Variants in JCHAIN observed in about 807,000 individuals in gnomAD.
The protein encoded by JCHAIN is immunoglobulin J chain.
In JCHAIN, 5 loss-of-function variants were observed where a neutral mutation model predicts 11.1. The ratio of observed to expected loss-of-function variants is 0.45; its 90% CI spans 0.24 to 0.95. The LOEUF (loss-of-function observed/expected upper bound fraction) is 0.95. Among genes scored for constraint, JCHAIN ranks in the 40% least tolerant of loss-of-function variants. The pLI, the probability that JCHAIN is intolerant of heterozygous loss-of-function variation, is 0.21. For synonymous variants in JCHAIN, 51 were observed against 67.8 expected (o/e 0.75, Z 1.22); for missense variants, 165 against 192.7 (o/e 0.86, Z 0.85).
intron 2 of JCHAIN, 85 bp downstream of exon 2, chr4:70,662,007 G>T: frequency 1.5e-6 from 2 of 1,292,720 alleles, no homozygotes; most frequent in Non-Finnish European, 1.1e-6. Context: ...GAGTAAAGAG[G>T]CAGGTGTTAC....
chr4:70,664,333 TA>T lies in JCHAIN; in HGVS notation c.64+2093del, dbSNP rs917916817. Among the ~76,000 whole-genome samples, 160 of 147,644 alleles carry T rather than the reference TA, an allele frequency of 1.1e-3. 1 individual carries two copies. Among genetic ancestry groups the T allele is most frequent in the African/African-American group, 3.5e-3 (143 of 40,340 alleles). On this transcript the variant is annotated intron_variant, in intron 1 of 3. Transcript: ENST00000254801. ...ACAATTCCTCTCATTAAGCCTCAAC[TA>T]AAAAAAAAACATTTAGTATACGAAT...
intron 2 of JCHAIN, among the ~76,000 whole-genome samples, chr4:70,657,971 T>G (rs1018144884): frequency 2.6e-5 from 4 of 152,128 alleles, no homozygotes; most frequent in Non-Finnish European, 5.9e-5. Flanking sequence ...TTTCATTAAC[T>G]TTAACATTTT....
chr4:70,666,347 G>T (rs1313701054), intron 1 of JCHAIN, 80 bp downstream of exon 1: 24 of 976,956 alleles, frequency 2.5e-5, no homozygotes, highest in Non-Finnish European at 3.7e-5. Flanking sequence ...CAAAGCATAG[G>T]CATAAATGTT....
At position 70,662,143 on chromosome 4, in the gene JCHAIN, C is replaced by T. The variant is rs1209409722; in HGVS notation, c.137G>A (p.Arg46His). 3.7e-6 allele frequency: 6 copies of T among 1,613,284 alleles called. No individual in the cohort carries two copies. The highest frequency in any genetic ancestry group is 1.7e-5 in the Admixed American group (1 of 60,024). Residue 46 changes from arginine to histidine, a missense_variant, in exon 2 of 4, where the codon CGT (arginine) becomes CAT (histidine). Arg to His is a conservative substitution (Grantham distance 29). Transcript: ENST00000254801. ...GTCCTCATTAGGATCTTCGGAAGAA[C>T]GGATGATCCTGGAAGTAATCCGGGC... ...KCARITSRIIRSSEDPNEDIV... is the reference protein window; with the variant it reads ...KCARITSRIIHSSEDPNEDIV...
rs1489833138 is a variant in JCHAIN at position 70,655,793 on chromosome 4, A to G, written c.*536T>C. 1 of 152,132 alleles carries G rather than the reference A, an allele frequency of 6.6e-6. No homozygotes were observed. The highest frequency in any genetic ancestry group is 1.5e-5 in the Non-Finnish European group (1 of 68,002). 9.4% of individuals were successfully genotyped at this position (152,132 alleles called of 1,614,324 possible). On this transcript the variant is annotated 3_prime_UTR_variant, in exon 4 of 4. Coordinates refer to ENST00000254801, the MANE Select transcript of JCHAIN (RefSeq NM_144646.4). The stretch of plus-strand genomic sequence containing the variant: ...TTCACCTTAAATTATTTTTGTAACT[A>G]GTTCTAGAACATGTTTTCCAATTAT...
In JCHAIN at chr4:70,662,146, A is replaced by G. The variant is rs1463677372; in HGVS notation, c.134T>C (p.Ile45Thr). 2.5e-6 allele frequency: 4 copies of G among 1,613,450 alleles called. No individual in the cohort carries two copies. The highest frequency in any genetic ancestry group is 3.4e-6 in the Non-Finnish European group (4 of 1,179,368). ...CTCATTAGGATCTTCGGAAGAACGGATGATCCTGGAAGTAATCCGGGCACA... is the reference window on the plus strand; with the variant it reads ...CTCATTAGGATCTTCGGAAGAACGGGTGATCCTGGAAGTAATCCGGGCACA... ...CKCARITSRI[I>T]RSSEDPNEDI... The change falls in exon 2 of 4, where the codon ATC (isoleucine) becomes ACC (threonine). Residue 45 changes from isoleucine to threonine, a missense_variant. Transcript: ENST00000254801.
intron 2 of JCHAIN, among the ~76,000 whole-genome samples, chr4:70,661,257 G>A (rs548583309): frequency 1.3e-5 from 2 of 152,100 alleles, no homozygotes; most frequent in Non-Finnish European, 2.9e-5. Flanking sequence ...TCTTGCTATT[G>A]AAAAAGAGCT....
At chr4:70,657,316 G>C (rs765802261) in intron 2 of JCHAIN, 25 bp from the exon 3 acceptor site, 1 of 1,412,926 alleles carries the variant, frequency 7.1e-7, no homozygotes, top group East Asian at 2.3e-5. Flanking sequence ...AGAAAACAAA[G>C]TTAAAACAAT....
intron 1 of JCHAIN, among the ~76,000 whole-genome samples, chr4:70,662,419 T>C (rs770702619): frequency 2.0e-5 from 3 of 152,222 alleles, no homozygotes; most frequent in Non-Finnish European, 4.4e-5. Context: ...CACTTTTTTC[T>C]TGAACCAGTC....
At chr4:70,666,253 TAA>T (rs2148529802) in intron 1 of JCHAIN, among the ~76,000 whole-genome samples, 172 bp downstream of exon 1, 1 of 152,168 alleles carries the variant, frequency 6.6e-6, no homozygotes, top group East Asian at 1.9e-4. Context: ...GAAAAAAGAA[TAA>T]AAAGAGTCTT....
intron 1 of JCHAIN, among the ~76,000 whole-genome samples, chr4:70,665,618 A>C (rs1374699202): frequency 6.6e-6 from 1 of 151,992 alleles, no homozygotes; most frequent in East Asian, 1.9e-4. Flanking sequence ...CATTATATAT[A>C]TCATATATTT....
Position 70,666,436 on chromosome 4 carries a change from G to A in JCHAIN, c.55C>T (p.His19Tyr). The change falls in exon 1 of 4, where the codon CAT becomes TAT. Residue 19 changes from histidine (H) to tyrosine (Y), a missense_variant. Physicochemically the swap from His to Tyr is moderately conservative, Grantham distance 83. Transcript: ENST00000254801. Reference sequence around the variant, plus strand: ...TCTAAATATCACATACCTTTCACATGAACAGCCTTAATAAAAACCGCCAGG... The same window carrying A: ...TCTAAATATCACATACCTTTCACATAAACAGCCTTAATAAAAACCGCCAGG... ...GVLAVFIKAV[H>Y]VKAQEDERIV... 6.2e-7 allele frequency: 1 copy of A among 1,607,268 alleles called. No individual in the cohort carries two copies. Among genetic ancestry groups the A allele is most frequent in the Non-Finnish European group, 8.5e-7 (1 of 1,173,904 alleles).
chr4:70,666,466 C>T lies in JCHAIN; in HGVS notation c.25G>A (p.Gly9Arg), dbSNP rs1307296615. Residue 9 changes from glycine to arginine, a missense_variant, in exon 1 of 4, where the codon GGA (glycine) becomes AGA (arginine). Gly to Arg is a moderately radical substitution (Grantham distance 125). Coordinates refer to ENST00000254801, the MANE Select transcript of JCHAIN (RefSeq NM_144646.4). ...GCCTTAATAAAAACCGCCAGGACTCCCCAGAAAAGCAAATGGTTCTTCATC... is the reference window on the plus strand; with the variant it reads ...GCCTTAATAAAAACCGCCAGGACTCTCCAGAAAAGCAAATGGTTCTTCATC... MKNHLLFWGVLAVFIKAVH... is the reference protein window; with the variant it reads MKNHLLFWRVLAVFIKAVH... 1.9e-6 allele frequency: 3 copies of T among 1,613,258 alleles called. No homozygotes were observed. Among genetic ancestry groups the T allele is most frequent in the Non-Finnish European group, 2.5e-6 (3 of 1,179,330 alleles).
chr4:70,658,473 T>A (rs1738997102), intron 2 of JCHAIN, among the ~76,000 whole-genome samples: 1 of 152,216 alleles, frequency 6.6e-6, no homozygotes, highest in Non-Finnish European at 1.5e-5. Context: ...GCATGCCAGC[T>A]GTAAACAATC....
chr4:70,663,626 TC>T (rs1739099385), intron 1 of JCHAIN: 1 of 152,274 alleles, frequency 6.6e-6, no homozygotes, highest in Non-Finnish European at 1.5e-5. Context: ...AATGGCGTGA[TC>T]TCAGCTCACT....
At chr4:70,658,435 C>A (rs569831867) in intron 2 of JCHAIN, among the ~76,000 whole-genome samples, 10 of 152,176 alleles carry the variant, frequency 6.6e-5, no homozygotes, top group Non-Finnish European at 1.3e-4. Context: ...TCTCCAGCTT[C>A]ATCTCTCACA....
chr4:70,661,604 A>G (rs138408612), intron 2 of JCHAIN, among the ~76,000 whole-genome samples: 1 of 152,320 alleles, frequency 6.6e-6, no homozygotes, highest in African/African-American at 2.4e-5. Context: ...AGCCTGGGCA[A>G]CATAGTGAGA....
At chr4:70,665,013 G>A (rs1253027476) in intron 1 of JCHAIN, among the ~76,000 whole-genome samples, 3 of 152,058 alleles carry the variant, frequency 2.0e-5, no homozygotes, top group Non-Finnish European at 4.4e-5. Context: ...CTGTTATTAG[G>A]GACTGTGCCT....
At position 70,664,354 on chromosome 4, in the gene JCHAIN, A is replaced by G. The variant is rs148781978; in HGVS notation, c.64+2073T>C. Among the ~76,000 whole-genome samples the G allele has an allele frequency of 8.9e-3, 1,359 of 152,258 alleles. 19 individuals are homozygous for G. The highest frequency in any genetic ancestry group is 0.031 in the African/African-American group (1,295 of 41,558). On this transcript the variant is annotated intron_variant, in intron 1 of 3. Transcript: ENST00000254801. ...CAACTAAAAAAAAAACATTTAGTAT[A>G]CGAATTCAAGTTATAAAGTTTAAAT...
Sources: gnomAD v4.1 joint callset for allele counts (sites outside exome capture counted in the v4.1 genomes callset) on GRCh38, gnomAD v4.1.1 for gene constraint, MANE v1.5 for transcripts, NCBI Gene and HGNC (gene_info 2026-07-23, HGNC 2026-07-21) for gene names.